CTNNA2: variants seen among roughly 807,000 people sequenced by gnomAD.
CTNNA2 encodes catenin alpha 2, also known as catenin alpha-2.
Under a neutral mutation model 101.0 loss-of-function variants are expected in CTNNA2, and 42 were observed. That is an observed-to-expected ratio of 0.42 (90% confidence interval 0.32 to 0.54). The LOEUF (loss-of-function observed/expected upper bound fraction) is 0.54, where lower values mean the gene tolerates loss of function less well. Among genes scored for constraint, CTNNA2 ranks in the 20% least tolerant of loss-of-function variants. The pLI, the probability that CTNNA2 is intolerant of heterozygous loss-of-function variation, is 0.14. For missense variants in CTNNA2, 871 were observed against 1,223.1 expected (o/e 0.71, Z 4.29); for synonymous variants, 450 against 456.4 (o/e 0.99, Z 0.18).
intron 15 of CTNNA2, among the ~76,000 whole-genome samples, chr2:80,594,121 T>C (rs1476232860): frequency 6.6e-6 from 1 of 152,130 alleles, no homozygotes; most frequent in South Asian, 2.1e-4. Context: ...TTTTCCACAA[T>C]GGTCAAATTT....
intron 7 of CTNNA2, among the ~76,000 whole-genome samples, chr2:80,224,742 G>C (rs567874399): frequency 2.8e-4 from 42 of 152,192 alleles, no homozygotes; most frequent in African/African-American, 1.0e-3. Context: ...CTCGTGCCCA[G>C]CCACAGCTGC....
At chr2:80,008,721 G>A (rs1451468511) in intron 7 of CTNNA2, among the ~76,000 whole-genome samples, 1 of 152,190 alleles carries the variant, frequency 6.6e-6, no homozygotes, top group South Asian at 2.1e-4. Context: ...TTAATACTCA[G>A]CTTTGCCACC....
chr2:80,071,684 G>A lies in CTNNA2; in HGVS notation c.1056+161887G>A, dbSNP rs532421565. On this transcript the variant is annotated intron_variant, in intron 7 of 18. Coordinates refer to ENST00000402739, the MANE Select transcript of CTNNA2 (RefSeq NM_001282597.3). Reference sequence around the variant, plus strand: ...ATTCCCAGCTTGCACTTAGTGTGGCGGAGGGGAGAGAGGACTGAGGGAGGA... The same window carrying A: ...ATTCCCAGCTTGCACTTAGTGTGGCAGAGGGGAGAGAGGACTGAGGGAGGA... 2.6e-5 allele frequency among the ~76,000 whole-genome samples: 4 copies of A among 152,294 alleles called. No homozygotes were observed. The East Asian group carries it at 5.8e-4, about 22-fold the overall frequency.
chr2:79,645,714 A>G (rs1423124961), intron 1 of CTNNA2, among the ~76,000 whole-genome samples: 1 of 152,232 alleles, frequency 6.6e-6, no homozygotes, highest in Admixed American at 6.5e-5. Flanking sequence ...AAGAAAAACC[A>G]TCACTTTTGC....
chr2:79,555,563 T>G (rs1674391347), intron 1 of CTNNA2, among the ~76,000 whole-genome samples: 1 of 152,140 alleles, frequency 6.6e-6, no homozygotes, highest in Non-Finnish European at 1.5e-5. Flanking sequence ...ATATATTATT[T>G]TATTCTCAAA....
chr2:79,527,565 AACCCAGGAGGCGGAGGCT>A lies in CTNNA2; in HGVS notation c.-6+14359_-6+14376del. Reference sequence around the variant, plus strand: ...GAGACTGAGGCAGGAGAATAGCTTGAACCCAGGAGGCGGAGGCTGCAGTGAGCTGAGATGGCGCCATCT... The same window carrying A: ...GAGACTGAGGCAGGAGAATAGCTTGAGCAGTGAGCTGAGATGGCGCCATCT... On this transcript the variant is annotated intron_variant, in intron 1 of 18. Coordinates refer to ENST00000402739, the MANE Select transcript of CTNNA2 (RefSeq NM_001282597.3). 3.3e-5 allele frequency among the ~76,000 whole-genome samples: 5 copies of A among 151,842 alleles called. No individual in the cohort carries two copies. The South Asian group carries it at 1.0e-3, about 32-fold the overall frequency.
chr2:80,196,077 G>A (rs1397249214), intron 7 of CTNNA2, among the ~76,000 whole-genome samples: 1 of 152,160 alleles, frequency 6.6e-6, no homozygotes, highest in African/African-American at 2.4e-5. Context: ...GTGAAATTAT[G>A]TCTTTGAATG....
chr2:79,432,293 A>C (rs994987474), intron 4 of CTNNA2, among the ~76,000 whole-genome samples: 2 of 152,012 alleles, frequency 1.3e-5, no homozygotes, highest in Non-Finnish European at 2.9e-5. Context: ...GGCTGAGAAC[A>C]TGGTAACTCC....
rs200794947 is a variant in CTNNA2, at chr2:79,858,030, G to A, written c.316G>A (p.Ala106Thr). ...VRKQGETMRI[A>T]SSEFADDPCS... ...TCTTCCAGGTGAGACGATGCGGATCGCCTCCTCCGAGTTTGCAGATGACCC... is the reference window on the plus strand; with the variant it reads ...TCTTCCAGGTGAGACGATGCGGATCACCTCCTCCGAGTTTGCAGATGACCC... Residue 106 changes from alanine to threonine, a missense_variant, in exon 4 of 19, where the codon GCC (alanine) becomes ACC (threonine). This residue lies in a region of CTNNA2 where 647 missense variants were observed against 831.5 expected (regional missense o/e 0.78). Coordinates refer to ENST00000402739, the MANE Select transcript of CTNNA2 (RefSeq NM_001282597.3). 37 of 1,612,958 alleles carry A rather than the reference G, an allele frequency of 2.3e-5. No homozygotes were observed. In the East Asian group the frequency reaches 5.1e-4, roughly 22 times the overall value.
rs10595115 is a variant in CTNNA2, at chr2:80,149,774, T to TCACACACACACA, written c.1056+240008_1056+240019dup. Among the ~76,000 whole-genome samples, 423 of 143,378 alleles carry TCACACACACACA rather than the reference T, an allele frequency of 3.0e-3. 2 individuals are homozygous for TCACACACACACA. Among genetic ancestry groups the TCACACACACACA allele is most frequent in the East Asian group, 0.013 (63 of 4,736 alleles). 94.1% of individuals were successfully genotyped at this position (143,378 alleles called of 152,430 possible). A position where few individuals can be genotyped will look rare whatever the true frequency, so the allele number is the denominator to read the frequency against. On this transcript the variant is annotated intron_variant, in intron 7 of 18. Transcript: ENST00000402739. ...TCAGGGAATACTCGATTAGAATGGATCACACACACACACACACACACACAC... is the reference window on the plus strand; with the variant it reads ...TCAGGGAATACTCGATTAGAATGGATCACACACACACACACACACACACACACACACACACAC...
At chr2:80,212,269 T>C (rs1252971639) in intron 7 of CTNNA2, among the ~76,000 whole-genome samples, 1 of 152,190 alleles carries the variant, frequency 6.6e-6, no homozygotes, top group Non-Finnish European at 1.5e-5. Flanking sequence ...ATAGAAGTGG[T>C]GAGAGAGGGC....
At chr2:80,021,781 C>T (rs1694581179) in intron 7 of CTNNA2, among the ~76,000 whole-genome samples, 1 of 151,956 alleles carries the variant, frequency 6.6e-6, no homozygotes. Flanking sequence ...AATACATAGG[C>T]CACCGTGTTA....
At chr2:79,370,825 A>G (rs756613298) in intron 3 of CTNNA2, among the ~76,000 whole-genome samples, 1 of 152,174 alleles carries the variant, frequency 6.6e-6, no homozygotes, top group Non-Finnish European at 1.5e-5. Context: ...CAGAGTCCAG[A>G]TGTAGTCCTC....
chr2:79,454,686 C>A (rs550387631), intron 4 of CTNNA2, among the ~76,000 whole-genome samples: 1 of 151,760 alleles, frequency 6.6e-6, no homozygotes, highest in African/African-American at 2.4e-5. Context: ...ATTGAGTCTA[C>A]GTGGCCAGCC....
chr2:80,377,643 G>A (rs1428987691), intron 7 of CTNNA2, among the ~76,000 whole-genome samples: 1 of 152,152 alleles, frequency 6.6e-6, no homozygotes, highest in Admixed American at 6.5e-5. Context: ...ACATAAGAAG[G>A]TAAAATGAGA....
chr2:79,981,540 C>T (rs1447923015), intron 7 of CTNNA2, among the ~76,000 whole-genome samples: 1 of 152,070 alleles, frequency 6.6e-6, no homozygotes, highest in African/African-American at 2.4e-5. Context: ...CTGTAACTCG[C>T]TAACAGAGTC....
chr2:79,419,313 G>A (rs1462498771), intron 4 of CTNNA2, among the ~76,000 whole-genome samples: 1 of 152,172 alleles, frequency 6.6e-6, no homozygotes, highest in African/African-American at 2.4e-5. Context: ...GTATCAGTAA[G>A]ATGGTAATGC....
intron 9 of CTNNA2, among the ~76,000 whole-genome samples, chr2:80,540,465 T>C (rs1395441152): frequency 6.6e-6 from 1 of 151,846 alleles, no homozygotes; most frequent in Non-Finnish European, 1.5e-5. Flanking sequence ...GGCGTAGTGT[T>C]GGGTGCCTGT....
At chr2:79,343,719 G>A (rs1014311627) in intron 3 of CTNNA2, among the ~76,000 whole-genome samples, 6 of 86,352 alleles carry the variant, frequency 6.9e-5, no homozygotes, top group Admixed American at 5.6e-4. Context: ...CTGAAGACAC[G>A]GACGATTATT....
Sources: gnomAD v4.1 joint callset for allele counts (sites outside exome capture counted in the v4.1 genomes callset) on GRCh38, gnomAD v4.1.1 for gene constraint, gnomAD v4.1.1 regional missense constraint, MANE v1.5 for transcripts, NCBI Gene and HGNC (gene_info 2026-07-23, HGNC 2026-07-21) for gene names.